APOA4: variants seen among roughly 807,000 people sequenced by gnomAD.
The protein encoded by APOA4 is apolipoprotein A4.
Under a neutral mutation model 33.6 loss-of-function variants are expected in APOA4, and 25 were observed. The observed-to-expected ratio is 0.74, with a 90% confidence interval of 0.54 to 1.04. The LOEUF is 1.04. Among genes scored for constraint, APOA4 ranks in the 50% least tolerant of loss-of-function variants. APOA4 has a pLI of 0.00. For synonymous variants in APOA4, 228 were observed against 224.0 expected (o/e 1.02, Z -0.16); for missense variants, 549 against 510.4 (o/e 1.08, Z -0.73).
At position 116,820,964 on chromosome 11, in the gene APOA4, T is replaced by C. The variant is rs1223070747; in HGVS notation, c.1094A>G (p.Asp365Gly). 5 of 1,614,214 alleles carry C rather than the reference T, an allele frequency of 3.1e-6. No homozygotes were observed. The South Asian group carries it at 5.5e-5, about 18-fold the overall frequency. ...CAGCTCAGGGAGGGAGAGAGTCTTGTCCTGGCTCTCTTTCTCCTTGAAGGT... is the reference window on the plus strand; with the variant it reads ...CAGCTCAGGGAGGGAGAGAGTCTTGCCCTGGCTCTCTTTCTCCTTGAAGGT... ...FSTFKEKESQDKTLSLPELEQ... is the reference protein window; with the variant it reads ...FSTFKEKESQGKTLSLPELEQ... The change falls in exon 3 of 3, where the codon GAC (aspartate) becomes GGC (glycine). Residue 365 changes from aspartate to glycine, a missense_variant. Coordinates refer to ENST00000357780, the MANE Select transcript of APOA4 (RefSeq NM_000482.4).
chr11:116,823,144 G>A lies in APOA4; in HGVS notation c.48C>T (p.Ala16=), dbSNP rs200493372. ...VVLTLALVAV[A]GARAEVSADQ... Reference sequence around the variant, plus strand: ...CATCCAAAGACAGCTTCTACTCACCGGCGACAGCCACCAGGGCCAGGGTCA... The same window carrying A: ...CATCCAAAGACAGCTTCTACTCACCAGCGACAGCCACCAGGGCCAGGGTCA... Residue 16 remains alanine (A), a splice_region_variant and synonymous_variant, in exon 1 of 3, where the codon GCC becomes GCT. Coordinates refer to ENST00000357780, the MANE Select transcript of APOA4 (RefSeq NM_000482.4). 37 of 1,613,834 alleles carry A rather than the reference G, an allele frequency of 2.3e-5. No homozygotes were observed. Among genetic ancestry groups the A allele is most frequent in the East Asian group, 4.5e-5 (2 of 44,882 alleles).
chr11:116,823,160 G>A lies in APOA4; in HGVS notation c.32C>T (p.Ala11Val), dbSNP rs746633459. ...CTACTCACCGGCGACAGCCACCAGG[G>A]CCAGGGTCAGGACCACGGCCTTCAG... The part of the protein sequence containing the change: MFLKAVVLTL[A>V]LVAVAGARAE... Residue 11 changes from alanine (A) to valine (V), a missense_variant, in exon 1 of 3, where the codon GCC becomes GTC. Coordinates refer to ENST00000357780, the MANE Select transcript of APOA4 (RefSeq NM_000482.4). 1 of 1,614,122 alleles carries A rather than the reference G, an allele frequency of 6.2e-7. No homozygotes were observed. The highest frequency in any genetic ancestry group is 1.1e-5 in the South Asian group (1 of 91,086).
At chr11:116,822,905 G>T (rs1941342682) in intron 1 of APOA4, 120 bp from the exon 2 acceptor site, 6 of 1,544,652 alleles carry the variant, frequency 3.9e-6, no homozygotes, top group Non-Finnish European at 5.3e-6. Flanking sequence ...TTCCCTGTCT[G>T]AGCTTAGCTT....
rs539176882 is a variant in APOA4 at position 116,820,912 on chromosome 11, CTCCTGCTGCTGT to C, written c.1134_1145del (p.Gln384_Gln387del). On this transcript the variant is annotated inframe_deletion, in exon 3 of 3. Transcript: ENST00000357780. ...GCATCTGCACCTGCTCCTGCTGCTG[CTCCTGCTGCTGT>C]TCCTGCTGTTGCTCCAGCTCAGGGA... 22 of 1,613,810 alleles carry C rather than the reference CTCCTGCTGCTGT, an allele frequency of 1.4e-5. No homozygotes were observed. Among genetic ancestry groups the C allele is most frequent in the Non-Finnish European group, 1.6e-5 (19 of 1,179,964 alleles).
In APOA4 at chr11:116,821,245, G is replaced by A. The variant is rs1042885652; in HGVS notation, c.813C>T (p.Ala271=). 4.3e-6 allele frequency: 7 copies of A among 1,613,010 alleles called. No homozygotes were observed. Among genetic ancestry groups the A allele is most frequent in the East Asian group, 2.2e-5 (1 of 44,868 alleles). The change falls in exon 3 of 3, where the codon GCC becomes GCT. Residue 271 remains alanine, a synonymous_variant. Coordinates refer to ENST00000357780, the MANE Select transcript of APOA4 (RefSeq NM_000482.4). The part of the protein sequence containing the change: ...EELRQRLAPL[A]EDVRGNLRGN... ...CCCTCAGGTTGCCACGCACGTCCTCGGCCAAGGGCGCCAGCCTCTGCCGCA... is the reference window on the plus strand; with the variant it reads ...CCCTCAGGTTGCCACGCACGTCCTCAGCCAAGGGCGCCAGCCTCTGCCGCA...
chr11:116,821,939 T>C, intron 2 of APOA4, 58 bp from the exon 3 acceptor site: 3 of 1,602,492 alleles, frequency 1.9e-6, no homozygotes, highest in South Asian at 2.2e-5. Context: ...GGCAAGACTT[T>C]GTCTGCTTGT....
At chr11:116,823,038 G>A in intron 1 of APOA4, 105 bp downstream of exon 1, 3 of 1,470,824 alleles carry the variant, frequency 2.0e-6, no homozygotes, top group South Asian at 1.1e-5. Flanking sequence ...TCCAGCTGGG[G>A]GCTGATGGGC....
Position 116,822,766 on chromosome 11 carries a change from A to G in APOA4, c.69T>C (p.Ser23=). The change falls in exon 2 of 3, where the codon AGT becomes AGC. Residue 23 remains serine (S), a synonymous_variant. Coordinates refer to ENST00000357780, the MANE Select transcript of APOA4 (RefSeq NM_000482.4). ...ACATCACCGTGGCCACCTGGTCAGC[A>G]CTGACCTCAGCCCTGGCTCCTGGGT... ...VAVAGARAEV[S]ADQVATVMWD... The G allele has an allele frequency of 6.2e-7, 1 of 1,614,172 alleles. No homozygotes were observed. The highest frequency in any genetic ancestry group is 1.1e-5 in the South Asian group (1 of 91,088).
In APOA4 at chr11:116,821,695, G is replaced by A; in HGVS notation, c.363C>T (p.Ser121=). Residue 121 remains serine, a synonymous_variant, in exon 3 of 3, where the codon AGC becomes AGT. Coordinates refer to ENST00000357780, the MANE Select transcript of APOA4 (RefSeq NM_000482.4). The part of the protein sequence containing the change: ...ARLLPHANEV[S]QKIGDNLREL... ...CTCGCAGGTTGTCCCCGATCTTCTG[G>A]CTCACCTCATTGGCATGGGGCAGCA... 6.3e-7 allele frequency: 1 copy of A among 1,584,442 alleles called. No individual in the cohort carries two copies. Among genetic ancestry groups the A allele is most frequent in the East Asian group, 2.2e-5 (1 of 44,654 alleles).
In APOA4 at chr11:116,820,948, G is replaced by A. The variant is rs1321753400; in HGVS notation, c.1110C>T (p.Leu370=). The A allele has an allele frequency of 1.2e-6, 2 of 1,614,018 alleles. No homozygotes were observed. The highest frequency in any genetic ancestry group is 8.5e-7 in the Non-Finnish European group (1 of 1,180,028). ...GTTCCTGCTGTTGCTCCAGCTCAGG[G>A]AGGGAGAGAGTCTTGTCCTGGCTCT... ...EKESQDKTLS[L]PELEQQQEQQ... is the part of the protein sequence containing the mutation. Residue 370 remains leucine, a synonymous_variant, in exon 3 of 3, where the codon CTC becomes CTT. Transcript: ENST00000357780.
rs558924435 is a variant in APOA4, at chr11:116,821,311, G to C, written c.747C>G (p.Ala249=). 3.1e-6 allele frequency: 5 copies of C among 1,613,920 alleles called. No individual in the cohort carries two copies. The East Asian group carries it at 8.9e-5, about 29-fold the overall frequency. ...EGLTFQMKKN[A]EELKARISAS... ...CCGAGATCCTGGCCTTGAGCTCCTCGGCGTTCTTCTTCATCTGGAAGGTCA... is the reference window on the plus strand; with the variant it reads ...CCGAGATCCTGGCCTTGAGCTCCTCCGCGTTCTTCTTCATCTGGAAGGTCA... The change falls in exon 3 of 3, where the codon GCC becomes GCG. Residue 249 remains alanine (A), a synonymous_variant. Transcript: ENST00000357780.
chr11:116,821,652 C>G lies in APOA4; in HGVS notation c.406G>C (p.Glu136Gln). Reference sequence around the variant, plus strand: ...GTGCGCAGCTGGTCCGCGTAGGGCTCCAGGCGCTGCTGAAGCTCTCGCAGG... The same window carrying G: ...GTGCGCAGCTGGTCCGCGTAGGGCTGCAGGCGCTGCTGAAGCTCTCGCAGG... ...DNLRELQQRL[E>Q]PYADQLRTQV... is the part of the protein sequence containing the mutation. The change falls in exon 3 of 3, where the codon GAG (glutamate) becomes CAG (glutamine). Residue 136 changes from glutamate to glutamine, a missense_variant. Coordinates refer to ENST00000357780, the MANE Select transcript of APOA4 (RefSeq NM_000482.4). 1 of 1,608,850 alleles carries G rather than the reference C, an allele frequency of 6.2e-7. No individual in the cohort carries two copies. Among genetic ancestry groups the G allele is most frequent in the Non-Finnish European group, 8.5e-7 (1 of 1,176,346 alleles).
At position 116,821,615 on chromosome 11, in the gene APOA4, G is replaced by A. The variant is rs149339479; in HGVS notation, c.443C>T (p.Thr148Met). 22 of 1,610,330 alleles carry A rather than the reference G, an allele frequency of 1.4e-5. No homozygotes were observed. The highest frequency in any genetic ancestry group is 2.2e-5 in the East Asian group (1 of 44,834). The change falls in exon 3 of 3, where the codon ACG (threonine) becomes ATG (methionine). Residue 148 changes from threonine (T) to methionine (M), a missense_variant. Physicochemically the swap from Thr to Met is moderately conservative, Grantham distance 81 (BLOSUM62 -1). Transcript: ENST00000357780. The stretch of plus-strand genomic sequence containing the variant: ...CTGGCGCCGCAGCTGCTCGGCCTGC[G>A]TGCTGACCTGGGTGCGCAGCTGGTC... The part of the protein sequence containing the change: ...YADQLRTQVS[T>M]QAEQLRRQLT...
chr11:116,821,666 A>C lies in APOA4; in HGVS notation c.392T>G (p.Leu131Arg). 6.2e-7 allele frequency: 1 copy of C among 1,606,810 alleles called. No individual in the cohort carries two copies. The highest frequency in any genetic ancestry group is 8.5e-7 in the Non-Finnish European group (1 of 1,174,770). The change falls in exon 3 of 3, where the codon CTT becomes CGT. Residue 131 changes from leucine to arginine, a missense_variant. Leu to Arg is a moderately radical substitution (Grantham distance 102, BLOSUM62 -2). Transcript: ENST00000357780. The part of the protein sequence containing the change: ...SQKIGDNLRE[L>R]QQRLEPYADQ... Reference sequence around the variant, plus strand: ...CGCGTAGGGCTCCAGGCGCTGCTGAAGCTCTCGCAGGTTGTCCCCGATCTT... The same window carrying C: ...CGCGTAGGGCTCCAGGCGCTGCTGACGCTCTCGCAGGTTGTCCCCGATCTT...
In APOA4 at chr11:116,821,005, G is replaced by A; in HGVS notation, c.1053C>T (p.Val351=). The A allele has an allele frequency of 3.1e-6, 5 of 1,614,226 alleles. No individual in the cohort carries two copies. The highest frequency in any genetic ancestry group is 1.3e-5 in the African/African-American group (1 of 75,064). ...SFLEKDLRDK[V]NSFFSTFKEK... The stretch of plus-strand genomic sequence containing the variant: ...CCTTGAAGGTGCTGAAGAAGGAGTT[G>A]ACCTTGTCCCTCAGGTCCTTCTCCA... Residue 351 remains valine (V), a synonymous_variant, in exon 3 of 3, where the codon GTC becomes GTT. Transcript: ENST00000357780.
intron 1 of APOA4, 131 bp from the exon 2 acceptor site, chr11:116,822,916 T>C: frequency 2.0e-6 from 3 of 1,502,346 alleles, no homozygotes; most frequent in Non-Finnish European, 2.7e-6. Context: ...AGCTTAGCTT[T>C]TTGGAAGCCA....
rs977366818 is a variant in APOA4 at position 116,821,087 on chromosome 11, T to C, written c.971A>G (p.Gln324Arg). Residue 324 changes from glutamine to arginine, a missense_variant, in exon 3 of 3, where the codon CAG becomes CGG. Gln to Arg is a conservative substitution (Grantham distance 43). Transcript: ENST00000357780. Reference protein sequence around the residue: ...FNKALVQQMEQLRQKLGPHAG... With the variant: ...FNKALVQQMERLRQKLGPHAG... Reference sequence around the variant, plus strand: ...ATGGGGGCCCAGTTTCTGCCTGAGCTGTTCCATCTGCTGCACCAGGGCTTT... The same window carrying C: ...ATGGGGGCCCAGTTTCTGCCTGAGCCGTTCCATCTGCTGCACCAGGGCTTT... The C allele has an allele frequency of 1.7e-5, 27 of 1,614,018 alleles. No homozygotes were observed. Among genetic ancestry groups the C allele is most frequent in the Admixed American group, 5.0e-5 (3 of 60,018 alleles).
rs749621047 is a variant in APOA4 at position 116,821,593 on chromosome 11, G to A, written c.465C>T (p.Arg155=). The A allele has an allele frequency of 1.2e-6, 2 of 1,609,946 alleles. No homozygotes were observed. The highest frequency in any genetic ancestry group is 1.1e-5 in the South Asian group (1 of 90,988). Residue 155 remains arginine (R), a synonymous_variant, in exon 3 of 3, where the codon CGC becomes CGT. Coordinates refer to ENST00000357780, the MANE Select transcript of APOA4 (RefSeq NM_000482.4). The part of the protein sequence containing the change: ...QVSTQAEQLR[R]QLTPYAQRME... The stretch of plus-strand genomic sequence containing the variant: ...TGCGCTGTGCGTAGGGGGTCAGCTG[G>A]CGCCGCAGCTGCTCGGCCTGCGTGC...
Position 116,821,722 on chromosome 11 carries a change from C to A in APOA4, c.336G>T (p.Arg112=). Residue 112 remains arginine, a synonymous_variant, in exon 3 of 3, where the codon CGG becomes CGT. Transcript: ENST00000357780. Reference sequence around the variant, plus strand: ...TCACCTCATTGGCATGGGGCAGCAGCCGGGCCCTCAGCTCCTCCAGCTCCT... The same window carrying A: ...TCACCTCATTGGCATGGGGCAGCAGACGGGCCCTCAGCTCCTCCAGCTCCT... ...IGKELEELRA[R]LLPHANEVSQ... 6.4e-7 allele frequency: 1 copy of A among 1,551,312 alleles called. No individual in the cohort carries two copies. The highest frequency in any genetic ancestry group is 1.4e-5 in the African/African-American group (1 of 73,728).
Sources: allele counts gnomAD v4.1 joint callset, GRCh38; gene constraint gnomAD v4.1.1; transcripts MANE v1.5; gene names NCBI Gene and HGNC (gene_info 2026-07-23, HGNC 2026-07-21).